RABEP1: variants seen among roughly 807,000 people sequenced by gnomAD.
RABEP1 encodes the protein rab GTPase-binding effector protein 1.
In RABEP1, 51 loss-of-function variants were observed where a neutral mutation model predicts 123.4. That is an observed-to-expected ratio of 0.41 (90% confidence interval 0.33 to 0.52). The LOEUF (loss-of-function observed/expected upper bound fraction) is 0.52, where lower values mean the gene tolerates loss of function less well. Among genes scored for constraint, RABEP1 ranks in the 20% least tolerant of loss-of-function variants. The pLI is 0.16. For missense variants in RABEP1, 888 were observed against 996.3 expected (o/e 0.89, Z 1.46); for synonymous variants, 347 against 355.2 (o/e 0.98, Z 0.26).
At position 5,368,453 on chromosome 17, in the gene RABEP1, T is replaced by C. The variant is rs375335078; in HGVS notation, c.1869T>C (p.Asp623=). 5 of 1,612,914 alleles carry C rather than the reference T, an allele frequency of 3.1e-6. No individual in the cohort carries two copies. In the African/African-American group the frequency reaches 6.7e-5, roughly 22 times the overall value. The part of the protein sequence containing the change: ...LQQGLSQAKR[D]VQEQMAVLMQ... ...AGGGGCTTTCCCAGGCAAAGAGGGA[T>C]GTTCAGGAACAGATGGTAAGTTTAC... The change falls in exon 12 of 18, where the codon GAT becomes GAC. Residue 623 remains aspartate (D), a synonymous_variant. Coordinates refer to ENST00000537505, the MANE Select transcript of RABEP1 (RefSeq NM_004703.6).
At chr17:5,361,064 C>A in intron 8 of RABEP1, 144 bp from the exon 9 acceptor site, 1 of 732,358 alleles carries the variant, frequency 1.4e-6, no homozygotes, top group Non-Finnish European at 2.2e-6. Context: ...AGAAATGACA[C>A]TTAGTGTTTG....
intron 2 of RABEP1, among the ~76,000 whole-genome samples, chr17:5,323,859 A>AATAT (rs545478394): frequency 7.0e-5 from 9 of 128,142 alleles, no homozygotes; most frequent in Admixed American, 1.6e-4. Flanking sequence ...TATATCTAGG[A>AATAT]ATATATATAT....
chr17:5,319,984 T>G (rs1329854956), intron 2 of RABEP1, among the ~76,000 whole-genome samples: 1 of 151,892 alleles, frequency 6.6e-6, no homozygotes, highest in Non-Finnish European at 1.5e-5. Context: ...AGCAGAAAAC[T>G]CTCCAAAACT....
chr17:5,314,534 T>G (rs2075277087), intron 2 of RABEP1, among the ~76,000 whole-genome samples: 1 of 150,734 alleles, frequency 6.6e-6, no homozygotes, highest in Admixed American at 6.6e-5. Flanking sequence ...TTTTTTTTTT[T>G]TTGAGATGGA....
At chr17:5,371,324 A>AT (rs1444383533) in intron 12 of RABEP1, 1 of 152,290 alleles carries the variant, frequency 6.6e-6, no homozygotes, top group East Asian at 1.9e-4. Flanking sequence ...TATATTTTGA[A>AT]TATGTAACAT....
chr17:5,333,748 A>AC (rs1444671149), intron 3 of RABEP1, among the ~76,000 whole-genome samples: 4 of 152,000 alleles, frequency 2.6e-5, no homozygotes, highest in Non-Finnish European at 5.9e-5. Context: ...AATGCCTCAA[A>AC]CTCCTTCAGC....
intron 17 of RABEP1, among the ~76,000 whole-genome samples, chr17:5,382,282 A>G (rs1911539487): frequency 6.6e-6 from 1 of 150,952 alleles, no homozygotes; most frequent in East Asian, 2.0e-4. Context: ...GGGTTTCACC[A>G]TGTTGGTCAG....
At chr17:5,292,528 G>T (rs1402811361) in intron 1 of RABEP1, among the ~76,000 whole-genome samples, 1 of 152,066 alleles carries the variant, frequency 6.6e-6, no homozygotes, top group Non-Finnish European at 1.5e-5. Flanking sequence ...GGGATTACAG[G>T]TGTGTGCCAC....
intron 1 of RABEP1, among the ~76,000 whole-genome samples, chr17:5,302,772 C>T (rs568641232): frequency 1.0e-3 from 157 of 152,074 alleles, no homozygotes; most frequent in African/African-American, 3.7e-3. Context: ...AAGCAGTCCT[C>T]CCACCTTGGC....
intron 2 of RABEP1, among the ~76,000 whole-genome samples, chr17:5,311,522 C>CT (rs1008205224): frequency 6.6e-6 from 1 of 151,678 alleles, no homozygotes; most frequent in Admixed American, 6.6e-5. Flanking sequence ...TGGTGAAACT[C>CT]TGTCTCTACA....
Position 5,368,605 on chromosome 17 carries a change from A to G in RABEP1, c.1884+137A>G, listed in dbSNP as rs115987782. On this transcript the variant is annotated intron_variant, in intron 12 of 17. Coordinates refer to ENST00000537505, the MANE Select transcript of RABEP1 (RefSeq NM_004703.6). Reference sequence around the variant, plus strand: ...TTGTCTTCTCCCGGGACTGTAGAACATTAATAATGGACAAAATATTGTAAA... The same window carrying G: ...TTGTCTTCTCCCGGGACTGTAGAACGTTAATAATGGACAAAATATTGTAAA... The G allele has an allele frequency of 1.2e-3, 736 of 593,354 alleles. 4 individuals are homozygous for G. Among genetic ancestry groups the G allele is most frequent in the African/African-American group, 0.012 (638 of 54,342 alleles). 36.8% of individuals were successfully genotyped at this position (593,354 alleles called of 1,614,324 possible).
intron 2 of RABEP1, among the ~76,000 whole-genome samples, chr17:5,319,872 T>C (rs192209738): frequency 3.3e-5 from 5 of 152,256 alleles, no homozygotes; most frequent in Admixed American, 2.0e-4. Flanking sequence ...GAAGATGACC[T>C]ACAGGATGTA....
chr17:5,289,846 CA>C (rs2075016190), intron 1 of RABEP1, among the ~76,000 whole-genome samples: 1 of 152,150 alleles, frequency 6.6e-6, no homozygotes. Flanking sequence ...ATCTGAAAAA[CA>C]AAAGCCCTGC....
intron 2 of RABEP1, among the ~76,000 whole-genome samples, chr17:5,323,521 C>T (rs1047262476): frequency 1.1e-4 from 16 of 150,194 alleles, no homozygotes; most frequent in African/African-American, 3.4e-4. Context: ...AATCAGTACA[C>T]AAAAATCATT....
At chr17:5,381,899 C>T (rs1481197521) in intron 17 of RABEP1, among the ~76,000 whole-genome samples, 1 of 152,122 alleles carries the variant, frequency 6.6e-6, no homozygotes, top group Non-Finnish European at 1.5e-5. Context: ...CCCCTCCTGA[C>T]TCCTTTCTTT....
chr17:5,287,598 CAAAAAAAAAA>C (rs55858409), intron 1 of RABEP1, among the ~76,000 whole-genome samples: 3 of 61,176 alleles, frequency 4.9e-5, no homozygotes, highest in Admixed American at 4.5e-4. Flanking sequence ...GACTCTGTCG[CAAAAAAAAAA>C]AAAAAAAAAA....
intron 1 of RABEP1, among the ~76,000 whole-genome samples, chr17:5,307,463 G>C (rs1385433420): frequency 1.3e-5 from 2 of 152,180 alleles, no homozygotes; most frequent in African/African-American, 4.8e-5. Context: ...AGCCTTCAAA[G>C]ATAATCTCAG....
intron 2 of RABEP1, among the ~76,000 whole-genome samples, chr17:5,317,480 C>T (rs1203933040): frequency 6.6e-6 from 1 of 152,064 alleles, no homozygotes; most frequent in African/African-American, 2.4e-5. Flanking sequence ...TGTTTAAAGA[C>T]CAAATGCCTT....
rs188314270 is a variant in RABEP1, at chr17:5,347,243, C to G, written c.784+318C>G. Among the ~76,000 whole-genome samples, 15 of 152,264 alleles carry G rather than the reference C, an allele frequency of 9.9e-5. No homozygotes were observed. The East Asian group carries it at 2.5e-3, about 25-fold the overall frequency. ...TGGCCAACATGGCGAAAACCCGTCT[C>G]TACTGCAAAAACAAAAATTATCCAG... On this transcript the variant is annotated intron_variant, in intron 6 of 17. Transcript: ENST00000537505.
Sources: allele counts gnomAD v4.1 joint callset (sites outside exome capture counted in the v4.1 genomes callset), GRCh38; gene constraint gnomAD v4.1.1; transcripts MANE v1.5; gene names NCBI Gene and HGNC (gene_info 2026-07-23, HGNC 2026-07-21).